Variants in PACRG observed in about 807,000 individuals in gnomAD.
PACRG encodes the protein parkin coregulated gene protein.
Under a neutral mutation model 29.7 loss-of-function variants are expected in PACRG, and 29 were observed. The observed-to-expected ratio is 0.98, with a 90% CI of 0.73 to 1.33. The LOEUF is 1.33. Ranked by LOEUF, PACRG falls within the 40% of genes most tolerant of loss-of-function variation. PACRG has a pLI of 0.00. For synonymous variants in PACRG, 116 were observed against 118.7 expected, an observed-to-expected ratio of 0.98 and a Z score of 0.15; for missense variants, 279 against 316.2, an observed-to-expected ratio of 0.88 and a Z score of 0.89.
At chr6:163,166,426 A>T (rs895520300) in intron 4 of PACRG, among the ~76,000 whole-genome samples, 1 of 152,244 alleles carries the variant, frequency 6.6e-6, no homozygotes, top group Non-Finnish European at 1.5e-5. Flanking sequence ...ACTTTGAATC[A>T]CCTGTTCCTT....
At chr6:163,225,777 T>C (rs1430245631) in intron 4 of PACRG, among the ~76,000 whole-genome samples, 1 of 152,242 alleles carries the variant, frequency 6.6e-6, no homozygotes, top group African/African-American at 2.4e-5. Context: ...CATTGCAGCA[T>C]TATTCACAGT....
Position 163,093,793 on chromosome 6 carries a change from A to G in PACRG, c.613+4385A>G, listed in dbSNP as rs752748117. On this transcript the variant is annotated intron_variant, in intron 4 of 4. Coordinates refer to ENST00000366888, the MANE Select transcript of PACRG (RefSeq NM_001080379.2). ...TGTAGGAATCAAATTGCTTGGCTTT[A>G]TCTAAGATGTTTACCATTATAGACT... is the stretch of plus-strand genomic sequence containing the variant. Among the ~76,000 whole-genome samples, 61 of 152,240 alleles carry G rather than the reference A, an allele frequency of 4.0e-4. 1 individual carries two copies. The highest frequency in any genetic ancestry group is 2.8e-4 in the Non-Finnish European group (19 of 68,046).
At chr6:162,877,389 AACAAATGGATACAGGG>A (rs1004599394) in intron 2 of PACRG, among the ~76,000 whole-genome samples, 23 of 152,222 alleles carry the variant, frequency 1.5e-4, no homozygotes, top group Middle Eastern at 3.4e-3. Flanking sequence ...GAACAATGAG[AACAAATGGATACAGGG>A]AGAAGAACAT....
At chr6:163,109,261 C>T (rs1475964307) in intron 4 of PACRG, among the ~76,000 whole-genome samples, 3 of 152,168 alleles carry the variant, frequency 2.0e-5, no homozygotes, top group Non-Finnish European at 4.4e-5. Flanking sequence ...AATCATTTAC[C>T]AATCTTATTA....
chr6:163,108,629 T>C lies in PACRG; in HGVS notation c.613+19221T>C, dbSNP rs1458061257. Among the ~76,000 whole-genome samples, 4 of 152,114 alleles carry C rather than the reference T, an allele frequency of 2.6e-5. No homozygotes were observed. In the East Asian group the frequency reaches 7.8e-4, roughly 30 times the overall value. On this transcript the variant is annotated intron_variant, in intron 4 of 4. Transcript: ENST00000366888. ...GTCTCGAACTCCTGGCCTCAAGTGA[T>C]CCACCCACCTCAACCTCTCAAAGTG...
intron 4 of PACRG, among the ~76,000 whole-genome samples, chr6:163,157,496 C>T (rs2128340637): frequency 6.6e-6 from 1 of 152,338 alleles, no homozygotes; most frequent in Middle Eastern, 3.4e-3. Flanking sequence ...GAACAGGAAA[C>T]TTGTCTGTCC....
At chr6:163,020,374 G>A (rs1414377859) in intron 2 of PACRG, among the ~76,000 whole-genome samples, 2 of 152,158 alleles carry the variant, frequency 1.3e-5, no homozygotes, top group Non-Finnish European at 2.9e-5. Context: ...TAGAATTGCT[G>A]TTGAACTATC....
At chr6:163,014,795 G>C (rs1296679932) in intron 2 of PACRG, among the ~76,000 whole-genome samples, 4 of 152,046 alleles carry the variant, frequency 2.6e-5, no homozygotes, top group African/African-American at 9.7e-5. Flanking sequence ...CCATTCTGTA[G>C]GCTGTCTGTT....
At chr6:163,030,688 A>G (rs927338437) in intron 2 of PACRG, among the ~76,000 whole-genome samples, 4 of 152,152 alleles carry the variant, frequency 2.6e-5, no homozygotes, top group African/African-American at 7.2e-5. Context: ...GCCCATTTTT[A>G]TGGTTATTTC....
chr6:163,013,630 G>C (rs1238584533), intron 2 of PACRG, among the ~76,000 whole-genome samples: 1 of 152,124 alleles, frequency 6.6e-6, no homozygotes, highest in Non-Finnish European at 1.5e-5. Context: ...CTGAATGTTA[G>C]ACTCTGAAAG....
chr6:163,056,855 C>T (rs768890879), intron 2 of PACRG, among the ~76,000 whole-genome samples: 11 of 152,154 alleles, frequency 7.2e-5, no homozygotes, highest in Non-Finnish European at 1.6e-4. Context: ...ACGCCCTCCT[C>T]TTCCATGACC....
At chr6:162,833,361 C>T (rs896279235) in intron 2 of PACRG, among the ~76,000 whole-genome samples, 51 of 152,156 alleles carry the variant, frequency 3.4e-4, no homozygotes, top group Non-Finnish European at 2.9e-5. Context: ...CTGCCTCATT[C>T]AGAGAAGATA....
chr6:163,136,367 T>G (rs1816937406), intron 4 of PACRG, among the ~76,000 whole-genome samples: 1 of 152,234 alleles, frequency 6.6e-6, no homozygotes. Context: ...CCTTTGTGTT[T>G]CTATTTGAAT....
rs138384911 is a variant in PACRG at position 163,248,564 on chromosome 6, T to C, written c.614-66263T>C. On this transcript the variant is annotated intron_variant, in intron 4 of 4. Transcript: ENST00000366888. ...AATACTTTTCTGGATCTAAGTTGTC[T>C]GATGGTTTCTCTGGGTGATGTGCTG... 4.4e-3 allele frequency among the ~76,000 whole-genome samples: 667 copies of C among 152,342 alleles called. 4 individuals are homozygous for C. Among genetic ancestry groups the C allele is most frequent in the African/African-American group, 0.015 (630 of 41,574 alleles).
At chr6:162,794,439 A>G (rs1785204158) in intron 1 of PACRG, among the ~76,000 whole-genome samples, 1 of 152,158 alleles carries the variant, frequency 6.6e-6, no homozygotes, top group Admixed American at 6.5e-5. Context: ...ATGAGCAATC[A>G]TTGTTAATGT....
At chr6:162,729,137 T>C (rs1455841849) in intron 1 of PACRG, among the ~76,000 whole-genome samples, 1 of 152,160 alleles carries the variant, frequency 6.6e-6, no homozygotes, top group Non-Finnish European at 1.5e-5. Flanking sequence ...GTCTGCATGA[T>C]AGTATATATT....
rs561770821 is a variant in PACRG, at chr6:163,081,154, A to G, written c.464-8105A>G. Among the ~76,000 whole-genome samples, 20 of 152,340 alleles carry G rather than the reference A, an allele frequency of 1.3e-4. No homozygotes were observed. In the South Asian group the frequency reaches 3.5e-3, roughly 27 times the overall value. On this transcript the variant is annotated intron_variant, in intron 3 of 4. Transcript: ENST00000366888. The stretch of plus-strand genomic sequence containing the variant: ...TCTACCCTATAAAATAGAAAATTAT[A>G]TGGTTGGCACTCCTGAACTAGCAAA...
intron 2 of PACRG, among the ~76,000 whole-genome samples, chr6:162,858,074 G>A (rs1171369123): frequency 5.3e-5 from 8 of 152,050 alleles, no homozygotes; most frequent in African/African-American, 1.2e-4. Context: ...TTGAATATTC[G>A]GTGAATGTTG....
intron 4 of PACRG, among the ~76,000 whole-genome samples, chr6:163,125,011 G>T (rs899573072): frequency 1.3e-5 from 2 of 152,180 alleles, no homozygotes; most frequent in African/African-American, 4.8e-5. Flanking sequence ...AAAAGGATTT[G>T]CCCTACTCCA....
Sources: allele counts gnomAD v4.1 joint callset (sites outside exome capture counted in the v4.1 genomes callset), GRCh38; gene constraint gnomAD v4.1.1; transcripts MANE v1.5; gene names NCBI Gene and HGNC (gene_info 2026-07-23, HGNC 2026-07-21).